CEACAM20: variants seen among roughly 807,000 people sequenced by gnomAD.
CEACAM20 encodes CEA cell adhesion molecule 20, also known as cell adhesion molecule CEACAM20.
Under a neutral mutation model 61.2 loss-of-function variants are expected in CEACAM20, and 50 were observed. The ratio of observed to expected loss-of-function variants is 0.82; its 90% CI spans 0.65 to 1.03. The LOEUF (loss-of-function observed/expected upper bound fraction) is 1.03, where lower values mean the gene tolerates loss of function less well. CEACAM20 is among the 50% of genes least tolerant of loss of function. The pLI, the probability that CEACAM20 is intolerant of heterozygous loss-of-function variation, is 0.00. For missense variants in CEACAM20, 683 were observed against 736.4 expected (o/e 0.93, Z 0.84); for synonymous variants, 282 against 287.7 (o/e 0.98, Z 0.20).
intron 7 of CEACAM20, 73 bp downstream of exon 7, chr19:44,513,099 G>A (rs961442757): frequency 9.0e-5 from 122 of 1,360,366 alleles, no homozygotes; most frequent in Non-Finnish European, 1.2e-4. Flanking sequence ...ACCATGGTCA[G>A]CAACACGCCC....
chr19:44,506,516 T>TGCA (rs1970823559), intron 11 of CEACAM20, among the ~76,000 whole-genome samples: 1 of 152,194 alleles, frequency 6.6e-6, no homozygotes, highest in African/African-American at 2.4e-5. Context: ...ATCTAACCAA[T>TGCA]AGAATATGGC....
rs376778236 is a variant in CEACAM20 at position 44,513,003 on chromosome 19, T to C, written c.1428-50A>G. 169 of 1,494,516 alleles carry C rather than the reference T, an allele frequency of 1.1e-4. No individual in the cohort carries two copies. The African/African-American group carries it at 2.1e-3, about 18-fold the overall frequency. The allele number at this position is 1,494,516 out of a possible 1,614,324, so 92.6% of individuals were successfully genotyped here. A position where few individuals can be genotyped will look rare whatever the true frequency, so the allele number is the denominator to read the frequency against. On this transcript the variant is annotated intron_variant, in intron 7 of 11. Coordinates refer to ENST00000614924, the MANE Select transcript of CEACAM20 (RefSeq NM_001102597.3). ...TCTGTGCCTCTAGTCCTTGCCCATC[T>C]CCACAGGTTCTGCCCATATCCCATG...
In CEACAM20 at chr19:44,522,796, A is replaced by G; in HGVS notation, c.589T>C (p.Cys197Arg). 6.2e-7 allele frequency: 1 copy of G among 1,613,730 alleles called. No homozygotes were observed. The highest frequency in any genetic ancestry group is 1.1e-5 in the South Asian group (1 of 90,986). Reference protein sequence around the residue: ...FLAETKSHPPCAYTWFLLDSI... With the variant: ...FLAETKSHPPRAYTWFLLDSI... ...TCAAGGAGAAACCAAGTATAGGCAC[A>G]GGGTGGGTGAGACTTTGTTTCCGCT... The change falls in exon 4 of 12, where the codon TGT becomes CGT. Residue 197 changes from cysteine (C) to arginine (R), a missense_variant. By Grantham distance (180) the Cys-to-Arg change is radical. Transcript: ENST00000614924.
chr19:44,524,866 G>C (rs902894668), intron 2 of CEACAM20, among the ~76,000 whole-genome samples: 1 of 151,842 alleles, frequency 6.6e-6, no homozygotes, highest in African/African-American at 2.4e-5. Flanking sequence ...CAGGTGTAAG[G>C]AACTGCACCC....
At chr19:44,523,905 G>C in intron 3 of CEACAM20, 81 bp downstream of exon 3, 2 of 1,401,472 alleles carry the variant, frequency 1.4e-6, no homozygotes, top group Non-Finnish European at 1.9e-6. Flanking sequence ...CATCTGGATG[G>C]TATTTCAAGC....
intron 11 of CEACAM20, among the ~76,000 whole-genome samples, chr19:44,506,763 C>T (rs927682583): frequency 2.6e-5 from 4 of 152,180 alleles, no homozygotes; most frequent in African/African-American, 9.7e-5. Context: ...TGGATCCATC[C>T]CCAGCTGAGC....
intron 11 of CEACAM20, among the ~76,000 whole-genome samples, chr19:44,510,611 A>AGAAAGAAAGAAAGAAAGG (rs71171251): frequency 5.5e-5 from 4 of 72,382 alleles, no homozygotes; most frequent in African/African-American, 1.9e-4. Flanking sequence ...AAAGAAAGAA[A>AGAAAGAAAGAAAGAAAGG]AAGGAAGGAA....
Position 44,512,100 on chromosome 19 carries a change from C to T in CEACAM20, c.1514-22G>A, listed in dbSNP as rs575882898. On this transcript the variant is annotated intron_variant, in intron 8 of 11. Transcript: ENST00000614924. ...CTTTCTAGAAAAAGTGAATCTCAGT[C>T]AGGAGCTGGAGTTCGAAAGAGATAT... 5 of 1,590,166 alleles carry T rather than the reference C, an allele frequency of 3.1e-6. No individual in the cohort carries two copies. In the East Asian group the frequency reaches 1.1e-4, roughly 36 times the overall value.
At chr19:44,512,185 C>T in intron 8 of CEACAM20, 107 bp from the exon 9 acceptor site, 1 of 788,586 alleles carries the variant, frequency 1.3e-6, no homozygotes, top group East Asian at 2.7e-5. Context: ...AGAAATCCTT[C>T]CCAGGACTCC....
intron 5 of CEACAM20, among the ~76,000 whole-genome samples, chr19:44,519,572 G>A (rs1181326471): frequency 2.0e-5 from 3 of 151,944 alleles, no homozygotes; most frequent in Non-Finnish European, 2.9e-5. Flanking sequence ...ACATCCTTTC[G>A]GTGGCTCAGG....
chr19:44,527,886 G>C (rs1274970329), intron 1 of CEACAM20, among the ~76,000 whole-genome samples: 1 of 152,156 alleles, frequency 6.6e-6, no homozygotes, highest in Non-Finnish European at 1.5e-5. Context: ...TCTGCCTTTT[G>C]TCTCAGATGC....
At chr19:44,528,166 CT>C (rs1971589307) in intron 1 of CEACAM20, among the ~76,000 whole-genome samples, 2 of 96,532 alleles carry the variant, frequency 2.1e-5, no homozygotes, top group Admixed American at 1.0e-4. Flanking sequence ...TCTTTTCTTT[CT>C]TTCCTTTCTT....
intron 11 of CEACAM20, among the ~76,000 whole-genome samples, chr19:44,509,160 G>A (rs1191393950): frequency 1.3e-5 from 2 of 152,116 alleles, no homozygotes; most frequent in African/African-American, 2.4e-5. Context: ...ATGGCATGAT[G>A]TCCAAAGAAG....
intron 6 of CEACAM20, 117 bp from the exon 7 acceptor site, chr19:44,513,406 G>A (rs1225007377): frequency 1.3e-5 from 8 of 593,954 alleles, no homozygotes; most frequent in Non-Finnish European, 2.3e-5. Context: ...TTGTTTTCCA[G>A]TCGTTGGGAG....
At position 44,517,185 on chromosome 19, in the gene CEACAM20, G is replaced by GA; in HGVS notation, c.1069dup (p.Ser357PhefsTer2). ...TGCCTCTATGGTGCTGATCATCTCA[G>GA]ATGCCGACTCCCTGGTGATGTGCAC... On this transcript the variant is annotated frameshift_variant, in exon 6 of 12. Transcript: ENST00000614924. LOFTEE classifies it high-confidence loss of function. The GA allele has an allele frequency of 6.2e-7, 1 of 1,611,056 alleles. No individual in the cohort carries two copies. Among genetic ancestry groups the GA allele is most frequent in the Non-Finnish European group, 8.5e-7 (1 of 1,179,870 alleles).
chr19:44,509,286 G>A lies in CEACAM20; in HGVS notation c.1737+1744C>T, dbSNP rs142718708. ...AATAAGGTAATGAGGGGAGAGAAGT[G>A]GAGAGGAAATTAGAGAAAAGTAATA... is the stretch of plus-strand genomic sequence containing the variant. On this transcript the variant is annotated intron_variant, in intron 11 of 11. Transcript: ENST00000614924. Among the ~76,000 whole-genome samples, 462 of 151,544 alleles carry A rather than the reference G, an allele frequency of 3.0e-3. 2 individuals carry two copies. The highest frequency in any genetic ancestry group is 0.011 in the African/African-American group (443 of 41,280).
chr19:44,516,413 A>T (rs759186940), intron 6 of CEACAM20, among the ~76,000 whole-genome samples: 3 of 152,082 alleles, frequency 2.0e-5, no homozygotes, highest in Non-Finnish European at 2.9e-5. Context: ...CTGGTGGGAG[A>T]TAATTGAATC....
intron 6 of CEACAM20, 46 bp from the exon 7 acceptor site, chr19:44,513,335 T>G (rs375736715): frequency 5.4e-6 from 7 of 1,302,404 alleles, no homozygotes; most frequent in Non-Finnish European, 7.7e-6. Flanking sequence ...CACACCCTCA[T>G]CCCTGCTCCC....
rs750199595 is a variant in CEACAM20 at position 44,517,025 on chromosome 19, G to A, written c.1230C>T (p.His410=). ...QLIIRALTWE[H]DGIYNCTASN... ...AGGCTGTGCAGTTGTAGATCCCGTC[G>A]TGTTCCCAGGTCAGAGCCCTGATAA... Residue 410 remains histidine, a synonymous_variant, in exon 6 of 12, where the codon CAC becomes CAT. Coordinates refer to ENST00000614924, the MANE Select transcript of CEACAM20 (RefSeq NM_001102597.3). 3 of 1,598,188 alleles carry A rather than the reference G, an allele frequency of 1.9e-6. No individual in the cohort carries two copies. The highest frequency in any genetic ancestry group is 2.3e-5 in the South Asian group (2 of 88,284).
Sources: allele counts gnomAD v4.1 joint callset (sites outside exome capture counted in the v4.1 genomes callset), GRCh38; gene constraint gnomAD v4.1.1; transcripts MANE v1.5; gene names NCBI Gene and HGNC (gene_info 2026-07-23, HGNC 2026-07-21).